Variants in ARHGEF4 observed in about 807,000 individuals in gnomAD.
The protein encoded by ARHGEF4 is Rho guanine nucleotide exchange factor 4.
In ARHGEF4, 119 loss-of-function variants were observed where a neutral mutation model predicts 162.0. That is an observed-to-expected ratio of 0.73 (90% confidence interval 0.63 to 0.86). The LOEUF is 0.86. Among genes scored for constraint, ARHGEF4 ranks in the 40% least tolerant of loss-of-function variants. ARHGEF4 has a pLI of 0.00. For missense variants in ARHGEF4, 2,488 were observed against 2,456.0 expected (o/e 1.01, Z -0.28); for synonymous variants, 1,014 against 979.9 (o/e 1.03, Z -0.65).
chr2:130,837,653 G>T (rs555457567), intron 1 of ARHGEF4: 1 of 447,684 alleles, frequency 2.2e-6, no homozygotes, highest in East Asian at 7.5e-5. Flanking sequence ...GGGCTCCGGG[G>T]CACTGTCAGG....
At chr2:130,982,300 TATA>T (rs1383199717) in intron 4 of ARHGEF4, among the ~76,000 whole-genome samples, 2 of 152,220 alleles carry the variant, frequency 1.3e-5, no homozygotes, top group African/African-American at 2.4e-5. Flanking sequence ...TGCGTTTTTT[TATA>T]ATATTTATTT....
intron 4 of ARHGEF4, among the ~76,000 whole-genome samples, chr2:130,985,016 C>A (rs7591752): frequency 6.6e-6 from 1 of 151,558 alleles, no homozygotes; most frequent in Non-Finnish European, 1.5e-5. Context: ...GGTGCTCCCC[C>A]ATCAAGCTCT....
chr2:130,941,156 A>G (rs189618483), intron 3 of ARHGEF4, among the ~76,000 whole-genome samples: 3 of 152,076 alleles, frequency 2.0e-5, no homozygotes, highest in African/African-American at 7.2e-5. Context: ...TGGCCCTTAA[A>G]CCATGCAGGG....
At chr2:130,907,976 C>T (rs1275856433) in intron 1 of ARHGEF4, among the ~76,000 whole-genome samples, 1 of 151,702 alleles carries the variant, frequency 6.6e-6, no homozygotes, top group Non-Finnish European at 1.5e-5. Context: ...AAAAAATTTA[C>T]ATACTGGCTT....
chr2:130,887,778 C>G (rs1296804077), intron 1 of ARHGEF4, among the ~76,000 whole-genome samples: 3 of 152,124 alleles, frequency 2.0e-5, no homozygotes, highest in African/African-American at 7.3e-5. Flanking sequence ...TGTGGTTGGC[C>G]CGGCTGTCCT....
intron 3 of ARHGEF4, 114 bp from the exon 4 acceptor site, chr2:130,946,395 G>T (rs67022442): frequency 2.6e-5 from 35 of 1,340,878 alleles, no homozygotes; most frequent in Non-Finnish European, 3.1e-5. Flanking sequence ...TATTTTGGTT[G>T]TGTGCTCTGT....
chr2:131,040,236 G>C, intron 7 of ARHGEF4, 25 bp from the exon 8 acceptor site: 1 of 1,610,584 alleles, frequency 6.2e-7, no homozygotes, highest in East Asian at 2.2e-5. Context: ...CCGGTCGGGG[G>C]AGGCCTAACC....
At chr2:130,893,560 C>T (rs1466820409) in intron 1 of ARHGEF4, among the ~76,000 whole-genome samples, 1 of 152,210 alleles carries the variant, frequency 6.6e-6, no homozygotes, top group Non-Finnish European at 1.5e-5. Context: ...GGGAGCCGAG[C>T]ATGGCTGCAG....
rs1257042951 is a variant in ARHGEF4 at position 131,021,241 on chromosome 2, T to A, written c.3986-6704T>A. Among the ~76,000 whole-genome samples the A allele has an allele frequency of 2.6e-5, 4 of 152,168 alleles. No homozygotes were observed. The East Asian group carries it at 7.7e-4, about 29-fold the overall frequency. ...CTGACTTCAAACTATACTACAAGGCTACAGTAACCAAAACAGCATGGTATT... is the reference window on the plus strand; with the variant it reads ...CTGACTTCAAACTATACTACAAGGCAACAGTAACCAAAACAGCATGGTATT... On this transcript the variant is annotated intron_variant, in intron 4 of 13. Coordinates refer to ENST00000409359, the MANE Select transcript of ARHGEF4 (RefSeq NM_001367493.1).
rs1363733263 is a variant in ARHGEF4, at chr2:130,960,595, T to C, written c.3985+13960T>C. ...CTCATGACTGTATATGAGCAATATA[T>C]GTAAATGTACCTAAATGATTATTTA... On this transcript the variant is annotated intron_variant, in intron 4 of 13. Transcript: ENST00000409359. Among the ~76,000 whole-genome samples, 5 of 152,202 alleles carry C rather than the reference T, an allele frequency of 3.3e-5. 1 individual carries two copies. Among genetic ancestry groups the C allele is most frequent in the Admixed American group, 3.3e-4 (5 of 15,274 alleles).
At chr2:130,977,026 AGT>A (rs1351214771) in intron 4 of ARHGEF4, among the ~76,000 whole-genome samples, 3 of 147,888 alleles carry the variant, frequency 2.0e-5, no homozygotes, top group East Asian at 4.0e-4. Flanking sequence ...GTGTGTGTTA[AGT>A]GTGAATGGTG....
chr2:130,969,593 C>T (rs1298500351), intron 4 of ARHGEF4, among the ~76,000 whole-genome samples: 3 of 150,382 alleles, frequency 2.0e-5, no homozygotes, highest in African/African-American at 7.3e-5. Context: ...AGTGAGACTC[C>T]GTCTCAAAAA....
chr2:130,916,293 A>C lies in ARHGEF4; in HGVS notation c.2347A>C (p.Lys783Gln), dbSNP rs1298286768. The C allele has an allele frequency of 3.9e-6, 6 of 1,538,690 alleles. No homozygotes were observed. The highest frequency in any genetic ancestry group is 5.2e-6 in the Non-Finnish European group (6 of 1,143,524). ...GCCCCAGCCGCCACGCGGGCTCCGC[A>C]AGGGCGCGCAGGAGCCTGGGAAGCG... ...EPPQPPRGLRKGAQEPGKRPT... is the reference protein window; with the variant it reads ...EPPQPPRGLRQGAQEPGKRPT... The change falls in exon 2 of 14, where the codon AAG (lysine) becomes CAG (glutamine). Residue 783 changes from lysine to glutamine, a missense_variant. Coordinates refer to ENST00000409359, the MANE Select transcript of ARHGEF4 (RefSeq NM_001367493.1).
At chr2:130,857,311 TAA>T (rs1209451370) in intron 1 of ARHGEF4, among the ~76,000 whole-genome samples, 1 of 133,348 alleles carries the variant, frequency 7.5e-6, no homozygotes, top group African/African-American at 2.9e-5. Context: ...AAAAAAGACA[TAA>T]GATTATATGA....
At chr2:130,894,616 A>G (rs896025471) in intron 1 of ARHGEF4, among the ~76,000 whole-genome samples, 1 of 152,194 alleles carries the variant, frequency 6.6e-6, no homozygotes, top group Non-Finnish European at 1.5e-5. Context: ...GTTTGCTTGC[A>G]TAACAAAACA....
intron 4 of ARHGEF4, among the ~76,000 whole-genome samples, chr2:130,995,741 T>C (rs555104129): frequency 4.7e-4 from 72 of 152,244 alleles, no homozygotes; most frequent in African/African-American, 1.7e-3. Context: ...TGCAGGGGCC[T>C]CTCCATGTAG....
chr2:131,021,776 C>G (rs1049823293), intron 4 of ARHGEF4, among the ~76,000 whole-genome samples: 1 of 152,190 alleles, frequency 6.6e-6, no homozygotes, highest in African/African-American at 2.4e-5. Flanking sequence ...CGTCTTCCAT[C>G]GCTGAGTATG....
At chr2:130,872,141 T>G (rs116742399) in intron 1 of ARHGEF4, among the ~76,000 whole-genome samples, 2,721 of 152,364 alleles carry the variant, frequency 0.018, 78 homozygotes, top group African/African-American at 0.062. Flanking sequence ...CTTAGCCTTA[T>G]AAAAATGAGT....
chr2:130,965,647 C>T (rs1338161974), intron 4 of ARHGEF4, among the ~76,000 whole-genome samples: 1 of 152,198 alleles, frequency 6.6e-6, no homozygotes, highest in Non-Finnish European at 1.5e-5. Context: ...TCCTTCCTTT[C>T]CAGAGGCCTC....
Sources: gnomAD v4.1 joint callset for allele counts (sites outside exome capture counted in the v4.1 genomes callset) on GRCh38, gnomAD v4.1.1 for gene constraint, MANE v1.5 for transcripts, NCBI Gene and HGNC (gene_info 2026-07-23, HGNC 2026-07-21) for gene names.